SNX8: variants seen among roughly 807,000 people sequenced by gnomAD.
The protein encoded by SNX8 is sorting nexin-8.
SNX8 carries 25 observed loss-of-function variants against 51.6 expected under a neutral mutation model. The observed-to-expected ratio is 0.48, with a 90% CI of 0.35 to 0.68. The LOEUF is 0.68. SNX8 is among the 30% of genes least tolerant of loss of function. SNX8 has a pLI of 0.00. For synonymous variants in SNX8, 324 were observed against 277.0 expected, an observed-to-expected ratio of 1.17 and a Z score of -1.68; for missense variants, 695 against 624.0, an observed-to-expected ratio of 1.11 and a Z score of -1.21.
intron 1 of SNX8, among the ~76,000 whole-genome samples, chr7:2,313,481 G>A (rs1796699508): frequency 6.7e-6 from 1 of 148,614 alleles, no homozygotes; most frequent in Non-Finnish European, 1.5e-5. Context: ...AGCCGAGATC[G>A]CACCATTGCA....
upstream of SNX8, among the ~76,000 whole-genome samples, chr7:2,317,088 G>C (rs1009440899): frequency 2.0e-5 from 3 of 151,880 alleles, no homozygotes; most frequent in South Asian, 4.2e-4. Flanking sequence ...ACCAGAGTTA[G>C]GGCTGGAGGA....
chr7:2,312,736 A>G (rs1450704114), intron 1 of SNX8, among the ~76,000 whole-genome samples: 1 of 151,136 alleles, frequency 6.6e-6, no homozygotes, highest in Non-Finnish European at 1.5e-5. Context: ...CCTCCCCACA[A>G]GGGGATTCCC....
chr7:2,341,282 T>C (rs77651703), intron 1 of SNX8, among the ~76,000 whole-genome samples: 3,318 of 151,860 alleles, frequency 0.022, 121 homozygotes, highest in African/African-American at 0.074. Context: ...GAGGATCGCT[T>C]GAGGCCAGGG....
chr7:2,278,218 G>C lies in SNX8; in HGVS notation c.182C>G (p.Pro61Arg). 1 of 1,612,908 alleles carries C rather than the reference G, an allele frequency of 6.2e-7. No homozygotes were observed. Among genetic ancestry groups the C allele is most frequent in the Non-Finnish European group, 8.5e-7 (1 of 1,179,278 alleles). Residue 61 changes from proline to arginine, a missense_variant, in exon 2 of 11, where the codon CCG becomes CGG. By Grantham distance (103) the Pro-to-Arg change is moderately radical. Transcript: ENST00000222990. ...CTGCAGGGTGTGGGACAGCAGCAGC[G>C]GGTTCCCCTGCGGCATCTGCATTCG... ...PSRMQMPQGN[P>R]LLLSHTLQEL...
At chr7:2,267,830 C>T (rs985336792) in intron 5 of SNX8, among the ~76,000 whole-genome samples, 10 of 122,012 alleles carry the variant, frequency 8.2e-5, no homozygotes, top group Non-Finnish European at 1.7e-4. Flanking sequence ...AAGTGAGGAG[C>T]GTCTCCGCCC....
intron 3 of SNX8, among the ~76,000 whole-genome samples, chr7:2,273,760 C>A (rs1291413111): frequency 6.6e-6 from 1 of 150,422 alleles, no homozygotes; most frequent in Non-Finnish European, 1.5e-5. Flanking sequence ...AAAAATTAGC[C>A]AGGCGTGGTG....
At chr7:2,291,396 G>A (rs755240149) in intron 1 of SNX8, among the ~76,000 whole-genome samples, 5 of 152,080 alleles carry the variant, frequency 3.3e-5, no homozygotes, top group African/African-American at 7.2e-5. Flanking sequence ...TCAGGAGTTC[G>A]AGACCAGCAT....
In SNX8 at chr7:2,314,418, T is replaced by C; in HGVS notation, c.4A>G (p.Thr2Ala). 8.2e-7 allele frequency: 1 copy of C among 1,215,924 alleles called. No homozygotes were observed. The allele number at this position is 1,215,924 out of a possible 1,614,324, so 75.3% of individuals were successfully genotyped here. A position where few individuals can be genotyped will look rare whatever the true frequency, so the allele number is the denominator to read the frequency against. M[T>A]GRAMDPLPAA... is the part of the protein sequence containing the mutation. ...GGCAGCGGGTCCATCGCGCGGCCAG[T>C]CATGTGAGCCCGCGCTCCCACGTGA... Residue 2 changes from threonine (T) to alanine (A), a missense_variant, in exon 1 of 11, where the codon ACT (threonine) becomes GCT (alanine). Transcript: ENST00000222990.
At chr7:2,266,093 G>A (rs2115106866) in intron 5 of SNX8, among the ~76,000 whole-genome samples, 1 of 152,358 alleles carries the variant, frequency 6.6e-6, no homozygotes, top group East Asian at 1.9e-4. Flanking sequence ...CTATAGCCTA[G>A]AGGACAGAGC....
chr7:2,312,092 G>A (rs530978312), intron 1 of SNX8, among the ~76,000 whole-genome samples: 1 of 152,112 alleles, frequency 6.6e-6, no homozygotes, highest in African/African-American at 2.4e-5. Context: ...GCACTGCCTT[G>A]TCCCAGCAAC....
chr7:2,351,144 C>G (rs1779130024), intron 1 of SNX8, among the ~76,000 whole-genome samples: 1 of 151,774 alleles, frequency 6.6e-6, no homozygotes, highest in Non-Finnish European at 1.5e-5. Context: ...AAATCTACCC[C>G]TGGAAGCACA....
intron 2 of SNX8, 34 bp from the exon 3 acceptor site, chr7:2,275,263 T>A: frequency 7.0e-7 from 1 of 1,430,332 alleles, no homozygotes; most frequent in East Asian, 2.3e-5. Flanking sequence ...AGATCCGACG[T>A]TGGAAACTAT....
chr7:2,335,606 T>C (rs1052875171), intron 1 of SNX8, among the ~76,000 whole-genome samples: 1 of 151,634 alleles, frequency 6.6e-6, no homozygotes, highest in Non-Finnish European at 1.5e-5. Flanking sequence ...ATCTAGACCA[T>C]CCTGGTTAAC....
chr7:2,296,749 G>A (rs1006144802), intron 1 of SNX8, among the ~76,000 whole-genome samples: 3 of 151,748 alleles, frequency 2.0e-5, no homozygotes, highest in Non-Finnish European at 4.4e-5. Flanking sequence ...TAGCCAACAT[G>A]GTTAAACCCC....
chr7:2,351,716 A>C (rs1779144256), intron 1 of SNX8, among the ~76,000 whole-genome samples: 1 of 151,374 alleles, frequency 6.6e-6, no homozygotes, highest in African/African-American at 2.4e-5. Context: ...CTGTAGTCCC[A>C]GCTACTCGGG....
At chr7:2,320,424 A>C (rs553321112) in intron 1 of SNX8, among the ~76,000 whole-genome samples, 6 of 152,060 alleles carry the variant, frequency 3.9e-5, no homozygotes, top group Non-Finnish European at 8.8e-5. Context: ...GTTTATCAAA[A>C]TTTGTATGGC....
chr7:2,256,765 A>G (rs571480834), intron 10 of SNX8, 109 bp downstream of exon 10: 6 of 1,133,992 alleles, frequency 5.3e-6, no homozygotes, highest in Admixed American at 2.7e-5. Flanking sequence ...CAACTCCACT[A>G]AAGAACCTCT....
intron 1 of SNX8, among the ~76,000 whole-genome samples, chr7:2,325,804 C>A (rs952955466): frequency 2.6e-5 from 4 of 151,908 alleles, no homozygotes; most frequent in Non-Finnish European, 5.9e-5. Context: ...TGCACCCCAG[C>A]CTCGGCAACA....
intron 1 of SNX8, among the ~76,000 whole-genome samples, chr7:2,338,868 G>A (rs968010074): frequency 6.6e-6 from 1 of 152,054 alleles, no homozygotes; most frequent in African/African-American, 2.4e-5. Flanking sequence ...TTTAAGATCA[G>A]GAGTTTGAGA....
Sources: allele counts gnomAD v4.1 joint callset (sites outside exome capture counted in the v4.1 genomes callset), GRCh38; gene constraint gnomAD v4.1.1; transcripts MANE v1.5; gene names NCBI Gene and HGNC (gene_info 2026-07-23, HGNC 2026-07-21).